Variants in CTNNA3 observed in about 807,000 individuals in gnomAD.
The protein encoded by CTNNA3 is catenin alpha 3, also known as catenin alpha-3.
In CTNNA3, 76 loss-of-function variants were observed where a neutral mutation model predicts 95.7. That is an observed-to-expected ratio of 0.79 (90% CI 0.66 to 0.96). The LOEUF (loss-of-function observed/expected upper bound fraction) is 0.96, where lower values mean the gene tolerates loss of function less well. Ranked by LOEUF, CTNNA3 falls within the 40% of genes least tolerant of loss-of-function variation. CTNNA3 has a pLI of 0.00. For missense variants in CTNNA3, 1,191 were observed against 1,089.8 expected, an observed-to-expected ratio of 1.09 and a Z score of -1.31; for synonymous variants, 431 against 374.4, an observed-to-expected ratio of 1.15 and a Z score of -1.74.
chr10:67,270,633 C>T (rs1023488051), intron 5 of CTNNA3, among the ~76,000 whole-genome samples: 9 of 152,152 alleles, frequency 5.9e-5, no homozygotes, highest in South Asian at 4.1e-4. Flanking sequence ...AAATGTGCTC[C>T]GTATAAGTGA....
At chr10:66,488,334 G>T (rs190622036) in intron 11 of CTNNA3, among the ~76,000 whole-genome samples, 1 of 152,108 alleles carries the variant, frequency 6.6e-6, no homozygotes, top group Admixed American at 6.5e-5. Context: ...TAAAGCCTAG[G>T]CAAGGCTATC....
chr10:66,846,272 C>T (rs1843271434), intron 7 of CTNNA3, among the ~76,000 whole-genome samples: 1 of 152,048 alleles, frequency 6.6e-6, no homozygotes, highest in South Asian at 2.1e-4. Flanking sequence ...CTCATAGAAG[C>T]AGAGTATAGT....
intron 7 of CTNNA3, among the ~76,000 whole-genome samples, chr10:67,135,826 T>TA (rs1035342159): frequency 2.0e-5 from 3 of 152,168 alleles, no homozygotes; most frequent in Admixed American, 6.5e-5. Flanking sequence ...TTATAAATAA[T>TA]AAAAAAATTA....
At chr10:66,240,385 A>T (rs1292705725) in intron 13 of CTNNA3, among the ~76,000 whole-genome samples, 1 of 152,058 alleles carries the variant, frequency 6.6e-6, no homozygotes, top group Non-Finnish European at 1.5e-5. Flanking sequence ...AACCTTAAGC[A>T]TTGTATCATC....
At chr10:66,463,503 A>G (rs573825034) in intron 11 of CTNNA3, among the ~76,000 whole-genome samples, 3 of 152,290 alleles carry the variant, frequency 2.0e-5, no homozygotes, top group African/African-American at 7.2e-5. Context: ...AGCAATGCCA[A>G]CAGACTAAAA....
chr10:66,832,393 G>A (rs1323937649), intron 7 of CTNNA3, among the ~76,000 whole-genome samples: 1 of 152,112 alleles, frequency 6.6e-6, no homozygotes. Context: ...GCTGGGATTT[G>A]TACCTGAAAG....
In CTNNA3 at chr10:67,588,835, G is replaced by C. The variant is rs75149565; in HGVS notation, c.292+18022C>G. On this transcript the variant is annotated intron_variant, in intron 3 of 17. Coordinates refer to ENST00000433211, the MANE Select transcript of CTNNA3 (RefSeq NM_013266.4). ...ATTTTTAGATATCTAAATCTAATGA[G>C]AAAACTATTTTATACTAATATCATT... Among the ~76,000 whole-genome samples the C allele has an allele frequency of 0.029, 4,415 of 151,954 alleles. 448 individuals are homozygous for C. The East Asian group carries it at 0.37, about 13-fold the overall frequency.
chr10:67,566,687 C>T (rs1398533031), intron 3 of CTNNA3, among the ~76,000 whole-genome samples: 2 of 151,958 alleles, frequency 1.3e-5, no homozygotes, highest in Non-Finnish European at 1.5e-5. Flanking sequence ...ACCCAAAGGA[C>T]TATAAATCAT....
At chr10:67,025,173 GA>G (rs1329625699) in intron 7 of CTNNA3, among the ~76,000 whole-genome samples, 169 of 147,462 alleles carry the variant, frequency 1.1e-3, no homozygotes, top group African/African-American at 4.1e-3. Flanking sequence ...AGGAAGGAAG[GA>G]AAGAAAGAAA....
At chr10:66,325,967 T>A (rs572988438) in intron 12 of CTNNA3, among the ~76,000 whole-genome samples, 5 of 152,230 alleles carry the variant, frequency 3.3e-5, no homozygotes, top group African/African-American at 1.2e-4. Context: ...AGAGCCACTG[T>A]TGAAAAATGG....
At chr10:66,259,022 T>A (rs2090897165) in intron 13 of CTNNA3, among the ~76,000 whole-genome samples, 1 of 152,190 alleles carries the variant, frequency 6.6e-6, no homozygotes, top group Admixed American at 6.5e-5. Context: ...AAAAATCACA[T>A]GGCTTCTCCT....
intron 1 of CTNNA3, among the ~76,000 whole-genome samples, chr10:67,686,869 T>G (rs979850729): frequency 6.6e-6 from 1 of 152,090 alleles, no homozygotes; most frequent in African/African-American, 2.4e-5. Flanking sequence ...TTCCTTCCAA[T>G]GCCCAGACTT....
chr10:67,685,071 G>C (rs182803159), intron 1 of CTNNA3, among the ~76,000 whole-genome samples: 3 of 152,230 alleles, frequency 2.0e-5, no homozygotes, highest in Non-Finnish European at 4.4e-5. Context: ...CTGCCGAAGA[G>C]TCTATTTGGG....
intron 11 of CTNNA3, among the ~76,000 whole-genome samples, chr10:66,432,571 G>C (rs12241415): frequency 0.12 from 17,737 of 151,220 alleles, 1,509 homozygotes; most frequent in African/African-American, 0.24. Context: ...TGAGGAAGGA[G>C]AATGGCATGA....
At position 67,460,020 on chromosome 10, in the gene CTNNA3, A is replaced by G. The variant is rs114233718; in HGVS notation, c.579+61822T>C. Among the ~76,000 whole-genome samples the G allele has an allele frequency of 2.5e-3, 383 of 152,202 alleles. 2 individuals carry two copies. The highest frequency in any genetic ancestry group is 8.7e-3 in the African/African-American group (362 of 41,512). ...TTCTTTATCCTTCAAATACATTTTT[A>G]TAATTCCCTGATTTTACCCAATAAT... On this transcript the variant is annotated intron_variant, in intron 5 of 17. Coordinates refer to ENST00000433211, the MANE Select transcript of CTNNA3 (RefSeq NM_013266.4).
Position 67,376,310 on chromosome 10 carries a change from G to A in CTNNA3, c.579+145532C>T, listed in dbSNP as rs74578474. 0.018 allele frequency among the ~76,000 whole-genome samples: 2,707 copies of A among 152,232 alleles called. 205 individuals are homozygous for A. In the East Asian group the frequency reaches 0.24, roughly 13 times the overall value. On this transcript the variant is annotated intron_variant, in intron 5 of 17. Transcript: ENST00000433211. ...ACCCTCACTGCCTGCAAGGGAGGCTGGACTAGTAAACACTTAGCTTCCTTA... is the reference window on the plus strand; with the variant it reads ...ACCCTCACTGCCTGCAAGGGAGGCTAGACTAGTAAACACTTAGCTTCCTTA...
intron 14 of CTNNA3, among the ~76,000 whole-genome samples, chr10:66,072,047 T>C (rs2080447403): frequency 6.6e-6 from 1 of 152,218 alleles, no homozygotes; most frequent in South Asian, 2.1e-4. Context: ...GTTACTCAAC[T>C]GGCAGAGTTG....
At chr10:67,686,581 A>G (rs1232086746) in intron 1 of CTNNA3, among the ~76,000 whole-genome samples, 1 of 152,108 alleles carries the variant, frequency 6.6e-6, no homozygotes, top group Non-Finnish European at 1.5e-5. Flanking sequence ...TTTGGCACCT[A>G]GTATGCCATT....
intron 12 of CTNNA3, among the ~76,000 whole-genome samples, chr10:66,334,659 C>T (rs2092373883): frequency 6.6e-6 from 1 of 151,996 alleles, no homozygotes; most frequent in South Asian, 2.1e-4. Context: ...TCTGGCTGCC[C>T]TTAACATTTT....
Sources: allele counts gnomAD v4.1 joint callset (sites outside exome capture counted in the v4.1 genomes callset), GRCh38; gene constraint gnomAD v4.1.1; transcripts MANE v1.5; gene names NCBI Gene and HGNC (gene_info 2026-07-23, HGNC 2026-07-21).